ITSN2: variants seen among roughly 807,000 people sequenced by gnomAD.
ITSN2 encodes the protein intersectin-2.
In ITSN2, 156 loss-of-function variants were observed where a neutral mutation model predicts 243.7. That is an observed-to-expected ratio of 0.64 (90% CI 0.56 to 0.73). The LOEUF (loss-of-function observed/expected upper bound fraction) is 0.73. ITSN2 is among the 30% of genes least tolerant of loss of function. The pLI is 0.00. For synonymous variants in ITSN2, 703 were observed against 699.9 expected, an observed-to-expected ratio of 1.00 and a Z score of -0.07; for missense variants, 1,801 against 1,996.1, an observed-to-expected ratio of 0.90 and a Z score of 1.86.
At chr2:24,313,140 G>A (rs1415616628) in intron 4 of ITSN2, among the ~76,000 whole-genome samples, 2 of 145,332 alleles carry the variant, frequency 1.4e-5, no homozygotes, top group South Asian at 4.4e-4. Context: ...CTAGGGTGCA[G>A]TGACACAATC....
intron 20 of ITSN2, among the ~76,000 whole-genome samples, chr2:24,267,742 A>C (rs943205644): frequency 2.0e-5 from 3 of 152,120 alleles, no homozygotes; most frequent in African/African-American, 7.2e-5. Flanking sequence ...CTTTTTGTAG[A>C]AACAGGGTCT....
intron 16 of ITSN2, among the ~76,000 whole-genome samples, chr2:24,285,357 C>T (rs1265369765): frequency 2.0e-5 from 3 of 152,120 alleles, no homozygotes; most frequent in Non-Finnish European, 4.4e-5. Context: ...CTTTCCTTAC[C>T]TGAAGCCACC....
At chr2:24,313,599 G>C in intron 3 of ITSN2, 76 bp from the exon 4 acceptor site, 1 of 928,172 alleles carries the variant, frequency 1.1e-6, no homozygotes, top group Non-Finnish European at 1.7e-6. Context: ...ATAATAATGG[G>C]TATATGTTAA....
chr2:24,267,385 A>AG (rs1676793651), intron 20 of ITSN2, among the ~76,000 whole-genome samples: 1 of 151,780 alleles, frequency 6.6e-6, no homozygotes, highest in African/African-American at 2.4e-5. Flanking sequence ...AAAGTATAAA[A>AG]AAAAAAAAAA....
At chr2:24,301,744 C>T (rs924539772) in intron 10 of ITSN2, among the ~76,000 whole-genome samples, 1 of 151,956 alleles carries the variant, frequency 6.6e-6, no homozygotes, top group Non-Finnish European at 1.5e-5. Context: ...CACGCTGGTC[C>T]TGAACTCCCG....
intron 2 of ITSN2, among the ~76,000 whole-genome samples, chr2:24,325,869 G>C (rs1685104515): frequency 6.6e-6 from 1 of 151,926 alleles, no homozygotes; most frequent in Non-Finnish European, 1.5e-5. Flanking sequence ...ATCTACTATA[G>C]GCTAGATCTC....
At chr2:24,293,821 G>A in intron 14 of ITSN2, 46 bp from the exon 15 acceptor site, 1 of 578,400 alleles carries the variant, frequency 1.7e-6, no homozygotes, top group Non-Finnish European at 3.1e-6. Flanking sequence ...TTATAATATT[G>A]TCCAAGAGTT....
At chr2:24,333,825 C>G (rs1686047213) in intron 1 of ITSN2, among the ~76,000 whole-genome samples, 1 of 152,070 alleles carries the variant, frequency 6.6e-6, no homozygotes, top group Non-Finnish European at 1.5e-5. Flanking sequence ...TACAAACGGT[C>G]AGTAAGACTC....
intron 20 of ITSN2, among the ~76,000 whole-genome samples, chr2:24,264,933 A>AC (rs904304667): frequency 6.6e-6 from 1 of 152,018 alleles, no homozygotes; most frequent in East Asian, 1.9e-4. Flanking sequence ...AAAGAAACAA[A>AC]AAAAAAAAAC....
chr2:24,359,072 A>T (rs1372079025), intron 1 of ITSN2, among the ~76,000 whole-genome samples: 6 of 152,216 alleles, frequency 3.9e-5, no homozygotes, highest in African/African-American at 1.4e-4. Context: ...ATTACAAGAG[A>T]GTCACAGGCA....
At chr2:24,237,692 C>T (rs868480846) in intron 29 of ITSN2, among the ~76,000 whole-genome samples, 1 of 152,144 alleles carries the variant, frequency 6.6e-6, no homozygotes, top group Non-Finnish European at 1.5e-5. Context: ...TCCACCGACA[C>T]TCATATTCCA....
At chr2:24,257,026 C>T (rs1675134201) in intron 23 of ITSN2, among the ~76,000 whole-genome samples, 1 of 152,112 alleles carries the variant, frequency 6.6e-6, no homozygotes, top group African/African-American at 2.4e-5. Context: ...ATTTATGGTA[C>T]AAAGAAGTGG....
chr2:24,312,872 A>G (rs1461001020), intron 4 of ITSN2, among the ~76,000 whole-genome samples: 1 of 152,140 alleles, frequency 6.6e-6, no homozygotes, highest in Non-Finnish European at 1.5e-5. Flanking sequence ...TTTGGGGTTT[A>G]TAGATTATGA....
intron 1 of ITSN2, among the ~76,000 whole-genome samples, chr2:24,342,604 T>A (rs574306399): frequency 6.6e-6 from 1 of 150,848 alleles, no homozygotes; most frequent in African/African-American, 2.4e-5. Flanking sequence ...GAAAGACACA[T>A]GCAAATCAGT....
chr2:24,267,547 A>T (rs1194153009), intron 20 of ITSN2, among the ~76,000 whole-genome samples: 2 of 151,928 alleles, frequency 1.3e-5, no homozygotes, highest in East Asian at 3.9e-4. Context: ...TCACTGACGG[A>T]CTTGGCTGGC....
Position 24,310,369 on chromosome 2 carries a change from C to G in ITSN2, c.568G>C (p.Gly190Arg), listed in dbSNP as rs772533023. Residue 190 changes from glycine (G) to arginine (R), a missense_variant, in exon 7 of 40, where the codon GGG becomes CGG. Coordinates refer to ENST00000355123, the MANE Select transcript of ITSN2 (RefSeq NM_006277.3). ...IPYSSSTLPH[G>R]SSYSLMMGGF... Reference sequence around the variant, plus strand: ...CCCATCATCAGACTATAAGATGACCCATGAGGCAATGCTAAAAAAGAAAAA... The same window carrying G: ...CCCATCATCAGACTATAAGATGACCGATGAGGCAATGCTAAAAAAGAAAAA... The G allele has an allele frequency of 6.2e-7, 1 of 1,612,912 alleles. No homozygotes were observed. The highest frequency in any genetic ancestry group is 1.3e-5 in the African/African-American group (1 of 74,678).
At chr2:24,273,086 G>A (rs1342702147) in intron 18 of ITSN2, among the ~76,000 whole-genome samples, 1 of 152,142 alleles carries the variant, frequency 6.6e-6, no homozygotes, top group Non-Finnish European at 1.5e-5. Flanking sequence ...GGGAACCTTG[G>A]CATAATTCCA....
intron 1 of ITSN2, among the ~76,000 whole-genome samples, chr2:24,355,380 C>T (rs1293244402): frequency 6.6e-6 from 1 of 152,212 alleles, no homozygotes; most frequent in African/African-American, 2.4e-5. Context: ...GGTACCAAAA[C>T]AGACATATAA....
At chr2:24,294,367 A>G (rs1680667642) in intron 14 of ITSN2, among the ~76,000 whole-genome samples, 1 of 152,254 alleles carries the variant, frequency 6.6e-6, no homozygotes, top group Non-Finnish European at 1.5e-5. Flanking sequence ...CAGAAGTTGC[A>G]GTGAGCTGAG....
Sources: allele counts gnomAD v4.1 joint callset (sites outside exome capture counted in the v4.1 genomes callset), GRCh38; gene constraint gnomAD v4.1.1; transcripts MANE v1.5; gene names NCBI Gene and HGNC (gene_info 2026-07-23, HGNC 2026-07-21).